FAM171A1: variants seen among roughly 807,000 people sequenced by gnomAD.
The protein encoded by FAM171A1 is protein FAM171A1.
Under a neutral mutation model 74.9 loss-of-function variants are expected in FAM171A1, and 23 were observed. The ratio of observed to expected loss-of-function variants is 0.31; its 90% CI spans 0.22 to 0.44. The LOEUF (loss-of-function observed/expected upper bound fraction) is 0.44. Among genes scored for constraint, FAM171A1 ranks in the 20% least tolerant of loss-of-function variants. FAM171A1 has a pLI of 1.00. For missense variants in FAM171A1, 1,162 were observed against 1,159.2 expected (o/e 1.00, Z -0.03); for synonymous variants, 527 against 505.7 (o/e 1.04, Z -0.57).
At chr10:15,268,387 A>G (rs1345853364) in intron 3 of FAM171A1, among the ~76,000 whole-genome samples, 2 of 152,148 alleles carry the variant, frequency 1.3e-5, no homozygotes, top group African/African-American at 2.4e-5. Context: ...ATGCAGATGG[A>G]GACACCAACC....
At chr10:15,276,082 T>C in intron 2 of FAM171A1, 135 bp from the exon 3 acceptor site, 2 of 579,726 alleles carry the variant, frequency 3.4e-6, no homozygotes, top group South Asian at 5.7e-5. Flanking sequence ...TTAGTTAGAT[T>C]AGCAAAAGAC....
intron 5 of FAM171A1, among the ~76,000 whole-genome samples, chr10:15,234,370 C>T (rs558170519): frequency 2.6e-4 from 40 of 152,308 alleles, no homozygotes; most frequent in Middle Eastern, 3.4e-3. Context: ...AGGGTAGCTG[C>T]CCAGGTTCTT....
intron 5 of FAM171A1, among the ~76,000 whole-genome samples, chr10:15,235,624 TC>T (rs141747604): frequency 0.11 from 17,194 of 152,196 alleles, 1,267 homozygotes; most frequent in African/African-American, 0.22. Flanking sequence ...TTCTCATTTG[TC>T]CTATTCTATC....
chr10:15,353,535 T>C (rs1835901559), intron 1 of FAM171A1, among the ~76,000 whole-genome samples: 1 of 152,188 alleles, frequency 6.6e-6, no homozygotes, highest in African/African-American at 2.4e-5. Context: ...CATTATCTCA[T>C]GAGCATTGAA....
At chr10:15,306,495 G>C (rs1835297102) in intron 1 of FAM171A1, among the ~76,000 whole-genome samples, 1 of 152,012 alleles carries the variant, frequency 6.6e-6, no homozygotes, top group Admixed American at 6.5e-5. Flanking sequence ...CTCTCGAGTA[G>C]CTGGGACTAC....
At chr10:15,216,255 C>T (rs1036120392) in intron 6 of FAM171A1, 145 bp from the exon 7 acceptor site, 47 of 512,526 alleles carry the variant, frequency 9.2e-5, no homozygotes, top group Non-Finnish European at 1.5e-4. Flanking sequence ...TTGGATCATG[C>T]ACTTGGGGTA....
At chr10:15,280,697 C>T (rs80148804) in intron 2 of FAM171A1, among the ~76,000 whole-genome samples, 1,804 of 152,290 alleles carry the variant, frequency 0.012, 34 homozygotes, top group African/African-American at 0.041. Context: ...GTGCTGCACA[C>T]GTGTGGGAAA....
intron 1 of FAM171A1, among the ~76,000 whole-genome samples, chr10:15,358,897 G>A (rs1275989181): frequency 6.6e-6 from 1 of 152,236 alleles, no homozygotes; most frequent in East Asian, 1.9e-4. Context: ...AAGCAGCACA[G>A]TTGGGGGGTG....
At chr10:15,219,761 G>T (rs760034949) in intron 6 of FAM171A1, among the ~76,000 whole-genome samples, 11 of 151,892 alleles carry the variant, frequency 7.2e-5, no homozygotes, top group Non-Finnish European at 1.6e-4. Flanking sequence ...TTTGTATTTT[G>T]AGTAGAGACG....
chr10:15,345,077 T>C (rs1835803787), intron 1 of FAM171A1, among the ~76,000 whole-genome samples: 3 of 152,264 alleles, frequency 2.0e-5, no homozygotes, highest in Admixed American at 2.0e-4. Flanking sequence ...TGAAATTTGA[T>C]CTGTTTAATC....
intron 1 of FAM171A1, among the ~76,000 whole-genome samples, chr10:15,317,936 A>G (rs980324575): frequency 6.6e-6 from 1 of 152,226 alleles, no homozygotes; most frequent in African/African-American, 2.4e-5. Context: ...GACTACAGGC[A>G]TGTGCTACCA....
At chr10:15,283,669 C>T (rs1482966456) in intron 2 of FAM171A1, among the ~76,000 whole-genome samples, 3 of 152,120 alleles carry the variant, frequency 2.0e-5, no homozygotes, top group Non-Finnish European at 4.4e-5. Flanking sequence ...ACTGCAGTCT[C>T]GAACTCCCAG....
chr10:15,264,201 G>A (rs1013453690), intron 3 of FAM171A1, among the ~76,000 whole-genome samples: 1 of 152,090 alleles, frequency 6.6e-6, no homozygotes, highest in Non-Finnish European at 1.5e-5. Flanking sequence ...GAACTCCTGG[G>A]CTCAAGTGAT....
At chr10:15,347,608 C>T (rs973001567) in intron 1 of FAM171A1, among the ~76,000 whole-genome samples, 2 of 151,884 alleles carry the variant, frequency 1.3e-5, no homozygotes, top group African/African-American at 2.4e-5. Flanking sequence ...GAGGCCGAGG[C>T]GAGTGGATGA....
chr10:15,367,900 G>A (rs1836085929), intron 1 of FAM171A1, among the ~76,000 whole-genome samples: 2 of 152,178 alleles, frequency 1.3e-5, no homozygotes, highest in African/African-American at 4.8e-5. Flanking sequence ...ACATAAATAA[G>A]AGTGCTGGGC....
chr10:15,359,721 A>G (rs1042362144), intron 1 of FAM171A1, among the ~76,000 whole-genome samples: 2 of 152,178 alleles, frequency 1.3e-5, no homozygotes, highest in Non-Finnish European at 2.9e-5. Context: ...AGCCAGAGAG[A>G]CGTCGCAGAA....
At chr10:15,269,918 A>G (rs1834800054) in intron 3 of FAM171A1, among the ~76,000 whole-genome samples, 1 of 152,244 alleles carries the variant, frequency 6.6e-6, no homozygotes. Flanking sequence ...AGTGGATTCC[A>G]GATCAGGTTC....
rs527925232 is a variant in FAM171A1 at position 15,352,237 on chromosome 10, T to C, written c.97+18719A>G. The stretch of plus-strand genomic sequence containing the variant: ...CTGGGCAACAGAACAGGACCCTGAC[T>C]CAAAATAAATATACTAATTAAATTA... On this transcript the variant is annotated intron_variant, in intron 1 of 7. Coordinates refer to ENST00000378116, the MANE Select transcript of FAM171A1 (RefSeq NM_001010924.2). Among the ~76,000 whole-genome samples the C allele has an allele frequency of 3.9e-5, 6 of 151,928 alleles. No homozygotes were observed. The East Asian group carries it at 1.2e-3, about 29-fold the overall frequency.
At chr10:15,243,851 C>T (rs561918836) in intron 5 of FAM171A1, among the ~76,000 whole-genome samples, 220 of 152,192 alleles carry the variant, frequency 1.4e-3, no homozygotes, top group African/African-American at 5.1e-3. Flanking sequence ...GGTTTACTTA[C>T]GCCATTCTCC....
Sources: allele counts gnomAD v4.1 joint callset (sites outside exome capture counted in the v4.1 genomes callset), GRCh38; gene constraint gnomAD v4.1.1; transcripts MANE v1.5; gene names NCBI Gene and HGNC (gene_info 2026-07-23, HGNC 2026-07-21).